POTEJ: variants seen among roughly 807,000 people sequenced by gnomAD.
POTEJ encodes the protein POTE ankyrin domain family member J, also known as POTE ankyrin domain family, member J.
A neutral mutation model predicts 69.0 loss-of-function variants in POTEJ; 11 were observed. That is an observed-to-expected ratio of 0.16 (90% CI 0.10 to 0.26). POTEJ has a LOEUF of 0.26. Among genes scored for constraint, POTEJ ranks in the 10% least tolerant of loss-of-function variants. POTEJ has a pLI of 1.00. For synonymous variants in POTEJ, 117 were observed against 381.1 expected, an observed-to-expected ratio of 0.31 and a Z score of 8.07; for missense variants, 327 against 1,045.5, an observed-to-expected ratio of 0.31 and a Z score of 9.48.
intron 10 of POTEJ, among the ~76,000 whole-genome samples, chr2:130,638,993 T>C (rs1248040578): frequency 1.3e-5 from 2 of 152,250 alleles, no homozygotes; most frequent in African/African-American, 4.8e-5. Context: ...AGGCATTAGA[T>C]TCTCATAGGA....
At chr2:130,628,861 C>T (rs1423758326) in intron 6 of POTEJ, among the ~76,000 whole-genome samples, 2 of 148,366 alleles carry the variant, frequency 1.3e-5, no homozygotes, top group Non-Finnish European at 3.0e-5. Context: ...CTACTAAAAA[C>T]ACGAAAATTA....
At chr2:130,637,074 G>A (rs1297442548) in intron 9 of POTEJ, among the ~76,000 whole-genome samples, 21 of 138,670 alleles carry the variant, frequency 1.5e-4, no homozygotes, top group East Asian at 6.1e-4. Context: ...GCAAGACTCC[G>A]TCTCAAAAAA....
chr2:130,612,834 G>A (rs1685262019), intron 1 of POTEJ, among the ~76,000 whole-genome samples: 1 of 141,042 alleles, frequency 7.1e-6, no homozygotes, highest in Admixed American at 7.0e-5. Context: ...AATAAAAATA[G>A]CAAAGTTTTA....
At chr2:130,646,383 AT>A in intron 13 of POTEJ, 73 bp downstream of exon 13, 3 of 505,708 alleles carry the variant, frequency 5.9e-6, no homozygotes, top group Admixed American at 7.4e-5. Flanking sequence ...GCTAATATTC[AT>A]GATGAACAAA....
intron 14 of POTEJ, among the ~76,000 whole-genome samples, chr2:130,655,945 T>C (rs1031627829): frequency 7.1e-6 from 1 of 140,476 alleles, no homozygotes; most frequent in Non-Finnish European, 1.5e-5. Context: ...TACAGATGTG[T>C]ACAGTGTAGA....
At chr2:130,639,880 G>A (rs1483008239) in intron 10 of POTEJ, among the ~76,000 whole-genome samples, 2 of 152,234 alleles carry the variant, frequency 1.3e-5, no homozygotes, top group Non-Finnish European at 2.9e-5. Context: ...ATACTAAGCA[G>A]TTTTTCTAAG....
At chr2:130,628,932 C>T (rs1209997397) in intron 6 of POTEJ, among the ~76,000 whole-genome samples, 1 of 146,184 alleles carries the variant, frequency 6.8e-6, no homozygotes, top group Admixed American at 6.7e-5. Context: ...ACAGGAGAAT[C>T]GCTTGAACCA....
chr2:130,625,782 C>A (rs1232007002), intron 6 of POTEJ, among the ~76,000 whole-genome samples: 4 of 139,070 alleles, frequency 2.9e-5, no homozygotes, highest in African/African-American at 1.2e-4. Context: ...GAGGTGAATA[C>A]TTAGCTAAGG....
At chr2:130,611,307 G>T (rs562528353), upstream of POTEJ, among the ~76,000 whole-genome samples, 3 of 142,608 alleles carry the variant, frequency 2.1e-5, no homozygotes, top group Non-Finnish European at 4.5e-5. Context: ...CTTGGGGGGG[G>T]GGGGGTTGGC....
intron 1 of POTEJ, among the ~76,000 whole-genome samples, chr2:130,612,721 C>G (rs1685257674): frequency 2.2e-5 from 3 of 135,414 alleles, no homozygotes; most frequent in African/African-American, 8.3e-5. Flanking sequence ...CAAGATAGTG[C>G]CACCGCACTC....
chr2:130,624,515 C>T (rs1685632296), intron 6 of POTEJ, among the ~76,000 whole-genome samples: 1 of 151,840 alleles, frequency 6.6e-6, no homozygotes, highest in Admixed American at 6.6e-5. Flanking sequence ...GTATCTAATG[C>T]TATCACTGAT....
intron 9 of POTEJ, among the ~76,000 whole-genome samples, chr2:130,633,875 G>A (rs1286068084): frequency 6.8e-6 from 1 of 148,130 alleles, no homozygotes; most frequent in African/African-American, 2.5e-5. Flanking sequence ...TTTCTGCAAA[G>A]AGCCAGTTAG....
At chr2:130,613,348 GTGTGTATATATATACATATATA>G (rs1685304326) in intron 1 of POTEJ, among the ~76,000 whole-genome samples, 2 of 126,708 alleles carry the variant, frequency 1.6e-5, no homozygotes, top group Non-Finnish European at 3.3e-5. Flanking sequence ...ATATATATGT[GTGTGTATATATATACATATATA>G]TGTGTGTGTG....
At chr2:130,643,528 A>G (rs1465506141) in intron 10 of POTEJ, among the ~76,000 whole-genome samples, 1 of 144,124 alleles carries the variant, frequency 6.9e-6, no homozygotes, top group African/African-American at 2.6e-5. Flanking sequence ...TAAAAAAAAA[A>G]AAAGAAAAAA....
intron 3 of POTEJ, 149 bp from the exon 4 acceptor site, chr2:130,619,896 G>T (rs1219417865): frequency 8.8e-7 from 1 of 1,139,514 alleles, no homozygotes; most frequent in East Asian, 2.6e-5. Flanking sequence ...CAGCGTGTGG[G>T]AAAGCACAGA....
rs1354649637 is a variant in POTEJ, at chr2:130,657,488, G to T, written c.2728G>T (p.Val910Phe). ...EKSYELPDGQ[V>F]ITISNEWFRC... is the part of the protein sequence containing the mutation. ...GAGCTACGAGCTGCCCGATGGCCAG[G>T]TCATCACCATCAGCAACGAGTGGTT... The change falls in exon 15 of 15, where the codon GTC (valine) becomes TTC (phenylalanine). Residue 910 changes from valine (V) to phenylalanine (F), a missense_variant. Coordinates refer to ENST00000409602, the MANE Select transcript of POTEJ (RefSeq NM_001277083.2). The T allele has an allele frequency of 6.4e-6, 10 of 1,571,364 alleles. 1 individual carries two copies. The highest frequency in any genetic ancestry group is 1.8e-4 in the Middle Eastern group (1 of 5,606).
intron 14 of POTEJ, among the ~76,000 whole-genome samples, chr2:130,655,512 A>T (rs545235713): frequency 6.6e-6 from 1 of 152,366 alleles, no homozygotes; most frequent in East Asian, 1.9e-4. Flanking sequence ...GTAGTTTCTC[A>T]TTTCAATGTA....
At chr2:130,644,563 A>C (rs1194950952) in intron 11 of POTEJ, among the ~76,000 whole-genome samples, 1 of 152,240 alleles carries the variant, frequency 6.6e-6, no homozygotes, top group Non-Finnish European at 1.5e-5. Flanking sequence ...ATTCTAATTT[A>C]ATATTTGATA....
At chr2:130,650,361 C>A (rs1417868915) in intron 13 of POTEJ, among the ~76,000 whole-genome samples, 2 of 152,254 alleles carry the variant, frequency 1.3e-5, no homozygotes, top group Non-Finnish European at 2.9e-5. Context: ...TTTTTCTCCT[C>A]TAACGTACTG....
Sources: allele counts gnomAD v4.1 joint callset (sites outside exome capture counted in the v4.1 genomes callset), GRCh38; gene constraint gnomAD v4.1.1; transcripts MANE v1.5; gene names NCBI Gene and HGNC (gene_info 2026-07-23, HGNC 2026-07-21).